Variants in AAK1 observed in about 807,000 individuals in gnomAD.
AAK1 encodes AP2-associated protein kinase 1.
Under a neutral mutation model 116.0 loss-of-function variants are expected in AAK1, and 37 were observed. The observed-to-expected ratio is 0.32, with a 90% CI of 0.25 to 0.42. The LOEUF (loss-of-function observed/expected upper bound fraction) is 0.42, where lower values mean the gene tolerates loss of function less well. Ranked by LOEUF, AAK1 falls within the 10% of genes least tolerant of loss-of-function variation. The probability of loss-of-function intolerance (pLI) is 1.00; values close to 1 mark genes in which losing one functional copy is unlikely to be tolerated. For missense variants in AAK1, 919 were observed against 1,170.6 expected (o/e 0.79, Z 3.14); for synonymous variants, 458 against 439.9 (o/e 1.04, Z -0.51).
chr2:69,560,468 C>T (rs1671586580), intron 2 of AAK1, among the ~76,000 whole-genome samples: 1 of 152,222 alleles, frequency 6.6e-6, no homozygotes, highest in African/African-American at 2.4e-5. Flanking sequence ...TCTTAACATT[C>T]AGTAGCCTGT....
At chr2:69,488,517 C>A (rs1675391495) in intron 17 of AAK1, among the ~76,000 whole-genome samples, 1 of 152,066 alleles carries the variant, frequency 6.6e-6, no homozygotes, top group African/African-American at 2.4e-5. Context: ...TTAAGAACTA[C>A]TTTAAAGTGT....
intron 16 of AAK1, among the ~76,000 whole-genome samples, chr2:69,496,664 A>G (rs1675757329): frequency 6.6e-6 from 1 of 152,184 alleles, no homozygotes; most frequent in Non-Finnish European, 1.5e-5. Flanking sequence ...ACTGCAGTCT[A>G]CAGTATCTCT....
intron 2 of AAK1, among the ~76,000 whole-genome samples, chr2:69,642,402 C>T (rs939342517): frequency 6.6e-6 from 1 of 152,010 alleles, no homozygotes; most frequent in Non-Finnish European, 1.5e-5. Flanking sequence ...AACACGTTCA[C>T]GTTCTCCGAA....
chr2:69,544,455 A>C lies in AAK1; in HGVS notation c.372T>G (p.Ile124Met). 2 of 1,612,914 alleles carry C rather than the reference A, an allele frequency of 1.2e-6. No homozygotes were observed. Among genetic ancestry groups the C allele is most frequent in the South Asian group, 1.1e-5 (1 of 91,062 alleles). ...ACATACCTCTACAAAAGTCCATCAG[A>C]ATGAGCACTTCCCATACATCACCGC... ...VSSGDVWEVL[I>M]LMDFCRGGQV... The change falls in exon 4 of 22, where the codon ATT (isoleucine) becomes ATG (methionine). Residue 124 changes from isoleucine (I) to methionine (M), a missense_variant. Ile to Met is a conservative substitution (Grantham distance 10). This residue lies in a region of AAK1 where 317 missense variants were observed against 490.4 expected (regional missense o/e 0.65). Transcript: ENST00000409085.
chr2:69,483,743 G>A (rs1047948084), intron 17 of AAK1, among the ~76,000 whole-genome samples: 1 of 151,948 alleles, frequency 6.6e-6, no homozygotes, highest in African/African-American at 2.4e-5. Flanking sequence ...ATTATTCTAT[G>A]GTCAAATATC....
At chr2:69,640,259 C>T (rs1199337907) in intron 2 of AAK1, among the ~76,000 whole-genome samples, 1 of 152,032 alleles carries the variant, frequency 6.6e-6, no homozygotes, top group Non-Finnish European at 1.5e-5. Context: ...CTTATTAAGC[C>T]CCACACCCAC....
chr2:69,547,927 T>A (rs527441861), intron 3 of AAK1, among the ~76,000 whole-genome samples: 1 of 152,306 alleles, frequency 6.6e-6, no homozygotes, highest in East Asian at 1.9e-4. Context: ...TATTGATACA[T>A]GCTATGACAT....
rs551034832 is a variant in AAK1 at position 69,545,562 on chromosome 2, T to C, written c.283-1018A>G. 2.0e-5 allele frequency among the ~76,000 whole-genome samples: 3 copies of C among 152,296 alleles called. No homozygotes were observed. The East Asian group carries it at 5.8e-4, about 29-fold the overall frequency. On this transcript the variant is annotated intron_variant, in intron 3 of 21. Coordinates refer to ENST00000409085, the MANE Select transcript of AAK1 (RefSeq NM_014911.5). ...GAACAGAAACTACCACCACTCTAAT[T>C]AGATTCAGCTGTTTACAGTGAAAAA... is the stretch of plus-strand genomic sequence containing the variant.
intron 17 of AAK1, 120 bp from the exon 18 acceptor site, chr2:69,482,932 C>T: frequency 1.6e-6 from 1 of 634,366 alleles, no homozygotes; most frequent in Non-Finnish European, 2.8e-6. Flanking sequence ...ACAGGTTCAC[C>T]ATAAAAATGA....
chr2:69,514,430 C>A, intron 13 of AAK1, 41 bp downstream of exon 13: 4 of 1,492,962 alleles, frequency 2.7e-6, no homozygotes, highest in East Asian at 2.5e-5. Context: ...GCTGCACATT[C>A]CTCTGCTGCT....
At chr2:69,582,907 C>G (rs1395871049) in intron 2 of AAK1, among the ~76,000 whole-genome samples, 1 of 152,186 alleles carries the variant, frequency 6.6e-6, no homozygotes, top group Non-Finnish European at 1.5e-5. Context: ...AGTGAGAGCC[C>G]CATATTACCC....
At chr2:69,576,385 A>G (rs771465057) in intron 2 of AAK1, among the ~76,000 whole-genome samples, 2 of 151,540 alleles carry the variant, frequency 1.3e-5, no homozygotes, top group Non-Finnish European at 2.9e-5. Context: ...AAGGTTTATT[A>G]ATTATGTAGG....
At chr2:69,551,089 TACACAC>T (rs145389086) in intron 3 of AAK1, among the ~76,000 whole-genome samples, 4 of 150,270 alleles carry the variant, frequency 2.7e-5, no homozygotes, top group African/African-American at 7.3e-5. Context: ...GTATTATGTA[TACACAC>T]ACACACACAC....
chr2:69,533,268 G>C (rs1195028666), intron 5 of AAK1, among the ~76,000 whole-genome samples: 1 of 152,018 alleles, frequency 6.6e-6, no homozygotes, highest in Non-Finnish European at 1.5e-5. Flanking sequence ...ACAATGCTTG[G>C]TATAAAAAAT....
At chr2:69,533,054 G>A (rs773910511) in intron 5 of AAK1, among the ~76,000 whole-genome samples, 2 of 152,154 alleles carry the variant, frequency 1.3e-5, no homozygotes, top group Non-Finnish European at 2.9e-5. Context: ...TGTGTGGGCA[G>A]TAAAATGGCA....
At chr2:69,535,978 C>T (rs528376741) in intron 5 of AAK1, among the ~76,000 whole-genome samples, 2 of 152,326 alleles carry the variant, frequency 1.3e-5, no homozygotes, top group East Asian at 3.9e-4. Flanking sequence ...CCAGACACTG[C>T]TCCACGCGCT....
In AAK1 at chr2:69,465,577, T is replaced by C. The variant is rs1390792451; in HGVS notation, c.*10292A>G. On this transcript the variant is annotated 3_prime_UTR_variant, in exon 22 of 22. Coordinates refer to ENST00000409085, the MANE Select transcript of AAK1 (RefSeq NM_014911.5). ...TGTGAAACAATTTTGTAGGCAGCAA[T>C]GGGCTGGGCTTCTGGACTTGGCTCG... The C allele has an allele frequency of 7.7e-7, 1 of 1,290,872 alleles. No homozygotes were observed. The highest frequency in any genetic ancestry group is 1.5e-5 in the African/African-American group (1 of 65,862). The allele number at this position is 1,290,872 out of a possible 1,614,324, so 80.0% of individuals were successfully genotyped here.
chr2:69,482,128 G>A, intron 18 of AAK1: 1 of 155,974 alleles, frequency 6.4e-6, no homozygotes. Flanking sequence ...AAGGCAGGTG[G>A]ATCACCTGAG....
At position 69,468,655 on chromosome 2, in the gene AAK1, C is replaced by T. The variant is rs1674571427; in HGVS notation, c.*7214G>A. 1.0e-6 allele frequency: 1 copy of T among 985,260 alleles called. No homozygotes were observed. Among genetic ancestry groups the T allele is most frequent in the Non-Finnish European group, 1.2e-6 (1 of 829,932 alleles). 61.0% of individuals were successfully genotyped at this position (985,260 alleles called of 1,614,324 possible). On this transcript the variant is annotated 3_prime_UTR_variant, in exon 22 of 22. Transcript: ENST00000409085. The stretch of plus-strand genomic sequence containing the variant: ...AGTCAGTGTTTTTTGGAAATTTAAA[C>T]TGAATTCAGTTAAAACAATTTGTGC...
Sources: gnomAD v4.1 joint callset for allele counts (sites outside exome capture counted in the v4.1 genomes callset) on GRCh38, gnomAD v4.1.1 for gene constraint, gnomAD v4.1.1 regional missense constraint, MANE v1.5 for transcripts, NCBI Gene and HGNC (gene_info 2026-07-23, HGNC 2026-07-21) for gene names.